The following CTNND2 variants were observed in gnomAD, a reference collection of about 807,000 sequenced individuals.
CTNND2 encodes the protein catenin delta-2.
In CTNND2, 22 loss-of-function variants were observed where a neutral mutation model predicts 144.4. That is an observed-to-expected ratio of 0.15 (90% CI 0.11 to 0.22). The LOEUF (loss-of-function observed/expected upper bound fraction) is 0.22. Ranked by LOEUF, CTNND2 falls within the 10% of genes least tolerant of loss-of-function variation. The pLI, the probability that CTNND2 is intolerant of heterozygous loss-of-function variation, is 1.00. For synonymous variants in CTNND2, 751 were observed against 695.6 expected (o/e 1.08, Z -1.25); for missense variants, 1,353 against 1,618.8 (o/e 0.84, Z 2.82).
chr5:11,311,249 C>A (rs556923919), intron 9 of CTNND2, among the ~76,000 whole-genome samples: 253 of 141,488 alleles, frequency 1.8e-3, no homozygotes, highest in Non-Finnish European at 2.9e-3. Flanking sequence ...CCCACACATA[C>A]ATAAACTCTC....
intron 11 of CTNND2, among the ~76,000 whole-genome samples, chr5:11,177,165 G>C (rs979711644): frequency 6.6e-6 from 1 of 152,076 alleles, no homozygotes; most frequent in Admixed American, 6.6e-5. Flanking sequence ...CTTATTTCAC[G>C]TCAACAATTT....
chr5:11,825,206 T>C (rs1357704715), intron 1 of CTNND2, among the ~76,000 whole-genome samples: 5 of 152,060 alleles, frequency 3.3e-5, no homozygotes, highest in African/African-American at 1.2e-4. Flanking sequence ...CTACAGTTAA[T>C]ATAGAAGAGG....
chr5:11,347,979 C>T lies in CTNND2; in HGVS notation c.1373-1352G>A, dbSNP rs10474674. Among the ~76,000 whole-genome samples, 672 of 152,264 alleles carry T rather than the reference C, an allele frequency of 4.4e-3. 4 individuals are homozygous for T. Among genetic ancestry groups the T allele is most frequent in the African/African-American group, 0.016 (646 of 41,560 alleles). On this transcript the variant is annotated intron_variant, in intron 8 of 21. Transcript: ENST00000304623. ...ATTGACTTAAGAGTTCAGGGCTCTT[C>T]TTTCCCAGTGAACTTTCAAGACTTC...
At chr5:11,216,694 G>A (rs371582481) in intron 10 of CTNND2, among the ~76,000 whole-genome samples, 1 of 152,338 alleles carries the variant, frequency 6.6e-6, no homozygotes, top group Middle Eastern at 3.4e-3. Flanking sequence ...GTGGAAATTT[G>A]TTACAGCAGC....
rs543991396 is a variant in CTNND2, at chr5:11,350,004, G to A, written c.1373-3377C>T. Reference sequence around the variant, plus strand: ...CACAAAACATTAGTCGGGCGTGGTGGCACGTGCCTGTAATCCCAGCTACTA... The same window carrying A: ...CACAAAACATTAGTCGGGCGTGGTGACACGTGCCTGTAATCCCAGCTACTA... On this transcript the variant is annotated intron_variant, in intron 8 of 21. Transcript: ENST00000304623. Among the ~76,000 whole-genome samples the A allele has an allele frequency of 5.9e-5, 9 of 152,256 alleles. No individual in the cohort carries two copies. In the South Asian group the frequency reaches 1.9e-3, roughly 32 times the overall value.
chr5:11,399,948 A>G (rs1452069025), intron 5 of CTNND2, among the ~76,000 whole-genome samples: 3 of 152,226 alleles, frequency 2.0e-5, no homozygotes, highest in African/African-American at 4.8e-5. Context: ...GCACAGACAT[A>G]TGAAACACGT....
intron 10 of CTNND2, among the ~76,000 whole-genome samples, chr5:11,235,967 T>C (rs1446373349): frequency 6.6e-6 from 1 of 152,186 alleles, no homozygotes; most frequent in African/African-American, 2.4e-5. Flanking sequence ...AAAATCTTTT[T>C]GAAAAAAATG....
intron 9 of CTNND2, among the ~76,000 whole-genome samples, chr5:11,298,362 G>A (rs1749234231): frequency 6.6e-6 from 1 of 152,062 alleles, no homozygotes; most frequent in African/African-American, 2.4e-5. Flanking sequence ...GTAGAGATGG[G>A]GACTTGCTAT....
chr5:11,556,159 AT>A lies in CTNND2; in HGVS notation c.287+8784del, dbSNP rs1776215095. 3.9e-5 allele frequency among the ~76,000 whole-genome samples: 6 copies of A among 152,272 alleles called. No individual in the cohort carries two copies. In the South Asian group the frequency reaches 1.0e-3, roughly 26 times the overall value. On this transcript the variant is annotated intron_variant, in intron 3 of 21. Coordinates refer to ENST00000304623, the MANE Select transcript of CTNND2 (RefSeq NM_001332.4). ...TATTTAATAAAAAATTTCCAAAAAA[AT>A]GATCCAAAAGCAATCTAACTTTTTT...
At chr5:11,352,395 G>C (rs565159081) in intron 8 of CTNND2, among the ~76,000 whole-genome samples, 5 of 152,230 alleles carry the variant, frequency 3.3e-5, no homozygotes, top group African/African-American at 1.2e-4. Flanking sequence ...TTATAACCTT[G>C]AAAAAATTTA....
At chr5:11,053,985 C>T (rs1746102361) in intron 16 of CTNND2, among the ~76,000 whole-genome samples, 1 of 152,098 alleles carries the variant, frequency 6.6e-6, no homozygotes, top group Non-Finnish European at 1.5e-5. Flanking sequence ...TTTGTGCCTA[C>T]AATAAAACGA....
At chr5:11,115,400 C>T (rs747735948) in intron 13 of CTNND2, among the ~76,000 whole-genome samples, 12 of 152,206 alleles carry the variant, frequency 7.9e-5, no homozygotes, top group African/African-American at 1.9e-4. Context: ...AAGCTCTTTT[C>T]GTAGCCATCA....
chr5:11,290,811 A>G (rs1358745857), intron 9 of CTNND2, among the ~76,000 whole-genome samples: 1 of 152,178 alleles, frequency 6.6e-6, no homozygotes, highest in African/African-American at 2.4e-5. Context: ...AAAAACTCTG[A>G]TGGTTTTAAC....
chr5:11,262,687 A>G lies in CTNND2; in HGVS notation c.1629-25864T>C, dbSNP rs564061406. On this transcript the variant is annotated intron_variant, in intron 9 of 21. Coordinates refer to ENST00000304623, the MANE Select transcript of CTNND2 (RefSeq NM_001332.4). ...TGAAGCAGGAGAATGGCGTGAACCC[A>G]GGAGGCAGAGGTTGCAGTGAGTCGA... 1.7e-3 allele frequency among the ~76,000 whole-genome samples: 234 copies of G among 139,676 alleles called. 1 individual carries two copies. Among genetic ancestry groups the G allele is most frequent in the Non-Finnish European group, 2.6e-3 (171 of 65,478 alleles). 91.6% of individuals were successfully genotyped at this position (139,676 alleles called of 152,430 possible).
chr5:11,089,898 C>T (rs535838576), intron 15 of CTNND2, among the ~76,000 whole-genome samples: 8 of 152,182 alleles, frequency 5.3e-5, no homozygotes, highest in African/African-American at 1.7e-4. Context: ...AATACCAGCT[C>T]CTCGGGAGAC....
At chr5:11,586,654 AATAC>A (rs1198733762) in intron 2 of CTNND2, among the ~76,000 whole-genome samples, 6 of 152,228 alleles carry the variant, frequency 3.9e-5, no homozygotes, top group African/African-American at 1.4e-4. Context: ...TGGACAAATA[AATAC>A]ATATATATTT....
chr5:11,022,198 C>T (rs1245923472), intron 17 of CTNND2, among the ~76,000 whole-genome samples: 1 of 152,182 alleles, frequency 6.6e-6, no homozygotes, highest in African/African-American at 2.4e-5. Context: ...ATCAACTCTT[C>T]CAGCTAGCAT....
chr5:11,458,001 T>G (rs1017414126), intron 3 of CTNND2, among the ~76,000 whole-genome samples: 1 of 152,226 alleles, frequency 6.6e-6, no homozygotes, highest in Non-Finnish European at 1.5e-5. Flanking sequence ...TGCCACTTAC[T>G]AGCTGAGCAT....
chr5:11,365,010 G>A, intron 7 of CTNND2, 120 bp from the exon 8 acceptor site: 2 of 785,600 alleles, frequency 2.5e-6, no homozygotes, highest in South Asian at 3.4e-5. Flanking sequence ...GAAACCAAAT[G>A]AATAGCATGA....
Sources: allele counts gnomAD v4.1 joint callset (sites outside exome capture counted in the v4.1 genomes callset), GRCh38; gene constraint gnomAD v4.1.1; transcripts MANE v1.5; gene names NCBI Gene and HGNC (gene_info 2026-07-23, HGNC 2026-07-21).